The following HDAC4 variants were observed in gnomAD, a reference collection of about 807,000 sequenced individuals.
The protein encoded by HDAC4 is histone deacetylase 4.
A neutral mutation model predicts 135.1 loss-of-function variants in HDAC4; 16 were observed. That is an observed-to-expected ratio of 0.12 (90% CI 0.08 to 0.18). The LOEUF (loss-of-function observed/expected upper bound fraction) is 0.18. Among genes scored for constraint, HDAC4 ranks in the 10% least tolerant of loss-of-function variants. HDAC4 has a pLI of 1.00. For missense variants in HDAC4, 1,143 were observed against 1,511.8 expected (o/e 0.76, Z 4.05); for synonymous variants, 685 against 653.4 (o/e 1.05, Z -0.74).
Position 239,302,659 on chromosome 2 carries a change from G to C in HDAC4, c.22+50019C>G, listed in dbSNP as rs960634346. ...CATGGCCCAGCCCCTCAACCCTCGA[G>C]CCAGGACCCAGTCCAAGAGCACAGC... is the stretch of plus-strand genomic sequence containing the variant. On this transcript the variant is annotated intron_variant, in intron 2 of 26. Coordinates refer to ENST00000543185, the MANE Select transcript of HDAC4 (RefSeq NM_001378414.1). Among the ~76,000 whole-genome samples, 4 of 152,306 alleles carry C rather than the reference G, an allele frequency of 2.6e-5. No individual in the cohort carries two copies. In the East Asian group the frequency reaches 7.7e-4, roughly 29 times the overall value.
At chr2:239,118,563 C>T (rs532523178) in intron 12 of HDAC4, among the ~76,000 whole-genome samples, 3 of 152,306 alleles carry the variant, frequency 2.0e-5, no homozygotes, top group African/African-American at 7.2e-5. Flanking sequence ...GTTCCGGGAC[C>T]TGATGCACAG....
In HDAC4 at chr2:239,307,702, T is replaced by C. The variant is rs1326296708; in HGVS notation, c.22+44976A>G. Among the ~76,000 whole-genome samples, 1 of 152,106 alleles carries C rather than the reference T, an allele frequency of 6.6e-6. No homozygotes were observed. The highest frequency in any genetic ancestry group is 1.5e-5 in the Non-Finnish European group (1 of 68,010). On this transcript the variant is annotated intron_variant, in intron 2 of 26. Coordinates refer to ENST00000543185, the MANE Select transcript of HDAC4 (RefSeq NM_001378414.1). The surrounding 1 kb of genome is among the most constrained non-coding windows in gnomAD (Gnocchi z 4.8). Reference sequence around the variant, plus strand: ...TCAGATGACGTTCTCATGACCGCACTTGGTCTAAGCAAATGCTGCTGGGAT... The same window carrying C: ...TCAGATGACGTTCTCATGACCGCACCTGGTCTAAGCAAATGCTGCTGGGAT...
chr2:239,119,258 C>A (rs2039415043), intron 12 of HDAC4, among the ~76,000 whole-genome samples: 1 of 152,176 alleles, frequency 6.6e-6, no homozygotes, highest in African/African-American at 2.4e-5. Context: ...GAAAGCAGAA[C>A]AATTCCCTAA....
chr2:239,120,953 GA>G (rs1421371545), intron 12 of HDAC4, among the ~76,000 whole-genome samples: 1 of 152,004 alleles, frequency 6.6e-6, no homozygotes, highest in African/African-American at 2.4e-5. Flanking sequence ...GGACTCGGTG[GA>G]CACAGAAGCT....
intron 1 of HDAC4, among the ~76,000 whole-genome samples, chr2:239,381,982 G>A (rs1056854131): frequency 6.6e-6 from 1 of 152,164 alleles, no homozygotes; most frequent in East Asian, 1.9e-4. Flanking sequence ...TGGAAGCCAG[G>A]GCAACACAGT....
chr2:239,322,255 T>C (rs2053340990), intron 2 of HDAC4, among the ~76,000 whole-genome samples: 1 of 152,250 alleles, frequency 6.6e-6, no homozygotes, highest in Admixed American at 6.5e-5. Flanking sequence ...TGTCTCCAGA[T>C]CCTATTCTAC....
chr2:239,248,739 T>C (rs1165506910), intron 2 of HDAC4, among the ~76,000 whole-genome samples: 1 of 152,178 alleles, frequency 6.6e-6, no homozygotes, highest in Non-Finnish European at 1.5e-5. Context: ...TGTCCCCATT[T>C]TAAAGAAGCC....
chr2:239,069,551 GT>G (rs2033934769), intron 22 of HDAC4, among the ~76,000 whole-genome samples: 2 of 106,886 alleles, frequency 1.9e-5, no homozygotes, highest in Admixed American at 1.0e-4. Context: ...CTTGGTGAGA[GT>G]GAGTCACAGT....
intron 1 of HDAC4, among the ~76,000 whole-genome samples, chr2:239,382,230 A>G (rs1175482813): frequency 6.6e-6 from 1 of 152,206 alleles, no homozygotes; most frequent in Admixed American, 6.5e-5. Flanking sequence ...TGGGAATACC[A>G]TTTTTTTAAA....
At chr2:239,305,894 GGCC>G (rs1329543278) in intron 2 of HDAC4, among the ~76,000 whole-genome samples, 8 of 152,196 alleles carry the variant, frequency 5.3e-5, no homozygotes, top group Non-Finnish European at 7.3e-5. Flanking sequence ...TGCCCACACG[GGCC>G]CTGAATCTGA....
intron 1 of HDAC4, among the ~76,000 whole-genome samples, chr2:239,367,075 C>T (rs1360806457): frequency 2.0e-5 from 3 of 152,124 alleles, no homozygotes; most frequent in African/African-American, 4.8e-5. Context: ...AAGTGATCAG[C>T]CCCCAGGCCC....
chr2:239,224,959 A>G lies in HDAC4; in HGVS notation c.94+11634T>C, dbSNP rs140050323. 8.5e-4 allele frequency among the ~76,000 whole-genome samples: 129 copies of G among 152,382 alleles called. 1 individual carries two copies. The highest frequency in any genetic ancestry group is 2.6e-3 in the African/African-American group (110 of 41,596). On this transcript the variant is annotated intron_variant, in intron 3 of 26. Coordinates refer to ENST00000543185, the MANE Select transcript of HDAC4 (RefSeq NM_001378414.1). ...GAATTCAAAATCTTCTCACACATAT[A>G]TTAAAGATTCATAAAAATTGACCAC...
chr2:239,393,090 C>T (rs1488604314), intron 1 of HDAC4, among the ~76,000 whole-genome samples: 8 of 152,170 alleles, frequency 5.3e-5, no homozygotes, highest in Non-Finnish European at 2.9e-5. Flanking sequence ...GGATGCGGCC[C>T]GTCTCAGAGC....
chr2:239,065,842 G>A (rs1241137032), intron 24 of HDAC4, among the ~76,000 whole-genome samples: 2 of 152,262 alleles, frequency 1.3e-5, no homozygotes, highest in South Asian at 2.1e-4. Context: ...AGAGCTCTGC[G>A]TGGGGAAGCC....
At chr2:239,193,444 G>A (rs546953941) in intron 3 of HDAC4, among the ~76,000 whole-genome samples, 1 of 152,370 alleles carries the variant, frequency 6.6e-6, no homozygotes, top group South Asian at 2.1e-4. Flanking sequence ...CAGGTGCTGT[G>A]GGAACGGGCC....
At chr2:239,292,129 G>C (rs2051552488) in intron 2 of HDAC4, among the ~76,000 whole-genome samples, 1 of 152,238 alleles carries the variant, frequency 6.6e-6, no homozygotes, top group Non-Finnish European at 1.5e-5. Flanking sequence ...GCCCATCGTG[G>C]CAAGGCAGGC....
At chr2:239,386,753 C>T (rs1156950145) in intron 1 of HDAC4, among the ~76,000 whole-genome samples, 1 of 152,224 alleles carries the variant, frequency 6.6e-6, no homozygotes, top group Non-Finnish European at 1.5e-5. Flanking sequence ...AGAACTTCTG[C>T]TCGTAACAAG....
chr2:239,228,672 G>A (rs1338803277), intron 3 of HDAC4, among the ~76,000 whole-genome samples: 1 of 152,098 alleles, frequency 6.6e-6, no homozygotes, highest in Non-Finnish European at 1.5e-5. Flanking sequence ...TGGAGAAGGG[G>A]GCATGGGTAT....
chr2:239,053,314 T>C, intron 26 of HDAC4, 146 bp downstream of exon 26: 1 of 1,312,770 alleles, frequency 7.6e-7, no homozygotes, highest in Admixed American at 2.0e-5. Context: ...TAAGGGGCTT[T>C]GGCACTGGAA....
Sources: gnomAD v4.1 joint callset for allele counts (sites outside exome capture counted in the v4.1 genomes callset) on GRCh38, gnomAD v4.1.1 for gene constraint, Gnocchi (gnomAD v3.1) non-coding constraint, MANE v1.5 for transcripts, NCBI Gene and HGNC (gene_info 2026-07-23, HGNC 2026-07-21) for gene names.